Variants in SPDYE21 observed in about 807,000 individuals in gnomAD.
The protein encoded by SPDYE21 is speedy protein E21.
Under a neutral mutation model 36.2 loss-of-function variants are expected in SPDYE21, and 14 were observed. The observed-to-expected ratio is 0.39, with a 90% CI of 0.26 to 0.61. SPDYE21 has a LOEUF of 0.61. Ranked by LOEUF, SPDYE21 falls within the 20% of genes least tolerant of loss-of-function variation. The pLI, the probability that SPDYE21 is intolerant of heterozygous loss-of-function variation, is 0.55. For missense variants in SPDYE21, 233 were observed against 424.6 expected (o/e 0.55, Z 3.97); for synonymous variants, 58 against 155.1 (o/e 0.37, Z 4.65).
chr7:67,285,927 G>A, intron 6 of SPDYE21, 117 bp from the exon 7 acceptor site: 1 of 1,569,746 alleles, frequency 6.4e-7, no homozygotes, highest in Non-Finnish European at 8.7e-7. Flanking sequence ...CTCTCTGCAG[G>A]GTGGGTGCCA....
intron 2 of SPDYE21, 59 bp from the exon 3 acceptor site, chr7:67,279,759 C>G (rs1038018870): frequency 1.9e-6 from 3 of 1,592,676 alleles, no homozygotes; most frequent in East Asian, 2.3e-5. Flanking sequence ...GGTTTTGGGT[C>G]GGGGTCTAAG....
At chr7:67,279,356 C>A (rs1424539997) in intron 2 of SPDYE21, among the ~76,000 whole-genome samples, 2 of 147,632 alleles carry the variant, frequency 1.4e-5, no homozygotes, top group African/African-American at 5.0e-5. Flanking sequence ...GAGTTTGAGA[C>A]CAGCCTGGCC....
chr7:67,280,759 G>A (rs1320558014), intron 3 of SPDYE21, among the ~76,000 whole-genome samples: 1 of 137,498 alleles, frequency 7.3e-6, no homozygotes, highest in African/African-American at 2.7e-5. Context: ...AAGTCAGGAA[G>A]GAGCACGTGA....
intron 4 of SPDYE21, among the ~76,000 whole-genome samples, chr7:67,281,898 G>A (rs1211088639): frequency 3.3e-5 from 5 of 152,154 alleles, no homozygotes; most frequent in Non-Finnish European, 5.9e-5. Flanking sequence ...CTTGAACTCA[G>A]AACTTTGAGG....
intron 3 of SPDYE21, among the ~76,000 whole-genome samples, chr7:67,281,099 C>CAA (rs3972832): frequency 5.2e-3 from 227 of 43,712 alleles, no homozygotes; most frequent in East Asian, 7.8e-3. Context: ...ACAACAACAA[C>CAA]AAAAAAAAAA....
At chr7:67,281,855 C>A (rs1345208478) in intron 4 of SPDYE21, among the ~76,000 whole-genome samples, 1 of 152,154 alleles carries the variant, frequency 6.6e-6, no homozygotes, top group African/African-American at 2.4e-5. Flanking sequence ...GCCTGAGATC[C>A]CAGCACGTTG....
At chr7:67,279,742 G>A (rs1802599185) in intron 2 of SPDYE21, 76 bp from the exon 3 acceptor site, 2 of 1,592,712 alleles carry the variant, frequency 1.3e-6, no homozygotes, top group Non-Finnish European at 1.7e-6. Context: ...GATGGAGAGT[G>A]GTTTGGGGTT....
chr7:67,279,763 G>T, intron 2 of SPDYE21, 55 bp from the exon 3 acceptor site: 1 of 1,593,346 alleles, frequency 6.3e-7, no homozygotes, highest in Non-Finnish European at 8.5e-7. Flanking sequence ...TTGGGTCGGG[G>T]TCTAAGGTGA....
chr7:67,282,092 A>C (rs3873636), intron 4 of SPDYE21, among the ~76,000 whole-genome samples: 1,663 of 152,124 alleles, frequency 0.011, 14 homozygotes, highest in Middle Eastern at 0.027. Flanking sequence ...AAGATCAGGC[A>C]ACTGCATTCC....
rs541347258 is a variant in SPDYE21, at chr7:67,285,721, C to T, written c.756-323C>T. On this transcript the variant is annotated intron_variant, in intron 6 of 8. Coordinates refer to ENST00000424157, the MANE Select transcript of SPDYE21 (RefSeq NM_001382715.2). Reference sequence around the variant, plus strand: ...TTATATTTTTAATAGAGACGAGGGTCTTGCTATGTTGCCCAGGCCCGTCTC... The same window carrying T: ...TTATATTTTTAATAGAGACGAGGGTTTTGCTATGTTGCCCAGGCCCGTCTC... Among the ~76,000 whole-genome samples the T allele has an allele frequency of 3.8e-3, 574 of 152,296 alleles. 2 individuals carry two copies. Among genetic ancestry groups the T allele is most frequent in the Non-Finnish European group, 5.2e-3 (356 of 68,026 alleles).
rs577252119 is a variant in SPDYE21, at chr7:67,286,681, C to T, written c.*45+17C>T. On this transcript the variant is annotated intron_variant, in intron 8 of 8. Transcript: ENST00000424157. ...TGAGAGAAGGTACATCTGCATCCTC[C>T]GGGGTAAAGGCAGAATATTGGGGTC... 1.8e-4 allele frequency among the ~76,000 whole-genome samples: 28 copies of T among 152,076 alleles called. No homozygotes were observed. The South Asian group carries it at 4.4e-3, about 24-fold the overall frequency.
chr7:67,284,091 A>G, intron 6 of SPDYE21, 93 bp downstream of exon 6: 1 of 706,928 alleles, frequency 1.4e-6, no homozygotes, highest in Non-Finnish European at 2.5e-6. Context: ...TCTTTCACCT[A>G]TTTGTCCTCT....
intron 3 of SPDYE21, among the ~76,000 whole-genome samples, chr7:67,280,650 C>T (rs1257874699): frequency 1.7e-5 from 2 of 119,114 alleles, no homozygotes; most frequent in Non-Finnish European, 3.2e-5. Context: ...CAAGATAGCG[C>T]CACTGCATTC....
At chr7:67,284,448 C>CAAA (rs3980859) in intron 6 of SPDYE21, among the ~76,000 whole-genome samples, 2,076 of 37,624 alleles carry the variant, frequency 0.055, 47 homozygotes, top group African/African-American at 0.071. Context: ...GACTTTTTCT[C>CAAA]AAAAAAAAAA....
rs961135068 is a variant in SPDYE21, at chr7:67,279,169, C to T, written c.160+296C>T. 1.6e-4 allele frequency among the ~76,000 whole-genome samples: 23 copies of T among 147,242 alleles called. 1 individual carries two copies. The highest frequency in any genetic ancestry group is 4.1e-4 in the Admixed American group (6 of 14,734). On this transcript the variant is annotated intron_variant, in intron 2 of 8. Coordinates refer to ENST00000424157, the MANE Select transcript of SPDYE21 (RefSeq NM_001382715.2). ...AAGAGGTTGCAGTGAGCTGAGATCACGCTACTGCACTCCCAAAAAAAAAAA... is the reference window on the plus strand; with the variant it reads ...AAGAGGTTGCAGTGAGCTGAGATCATGCTACTGCACTCCCAAAAAAAAAAA...
intron 2 of SPDYE21, among the ~76,000 whole-genome samples, chr7:67,279,329 G>A (rs1283756056): frequency 6.7e-6 from 1 of 148,308 alleles, no homozygotes; most frequent in African/African-American, 2.5e-5. Flanking sequence ...CAAGGCAGGC[G>A]GATCACTTGA....
chr7:67,285,399 T>C (rs1293922052), intron 6 of SPDYE21, among the ~76,000 whole-genome samples: 1 of 151,164 alleles, frequency 6.6e-6, no homozygotes, highest in Non-Finnish European at 1.5e-5. Flanking sequence ...TGTTTGTTTG[T>C]TTGTTTATTG....
Position 67,283,764 on chromosome 7 carries a change from C to T in SPDYE21, c.670-149C>T, listed in dbSNP as rs1802682344. 3 of 712,608 alleles carry T rather than the reference C, an allele frequency of 4.2e-6. No homozygotes were observed. The East Asian group carries it at 7.7e-5, about 18-fold the overall frequency. The allele number at this position is 712,608 out of a possible 1,614,324, so 44.1% of individuals were successfully genotyped here. On this transcript the variant is annotated intron_variant, in intron 5 of 8. Transcript: ENST00000424157. ...ATCCGACCTTCGAATACCCCTCCAT[C>T]CCGCAATTTCCAAATGAGTACAGTC...
intron 2 of SPDYE21, among the ~76,000 whole-genome samples, chr7:67,279,298 AAT>A: frequency 6.8e-6 from 1 of 148,004 alleles, no homozygotes; most frequent in Non-Finnish European, 1.5e-5. Context: ...TCACACCTGT[AAT>A]CCCAGAACTT....
Sources: allele counts gnomAD v4.1 joint callset (sites outside exome capture counted in the v4.1 genomes callset), GRCh38; gene constraint gnomAD v4.1.1; transcripts MANE v1.5; gene names NCBI Gene and HGNC (gene_info 2026-07-23, HGNC 2026-07-21).